PKHD1L1: variants seen among roughly 807,000 people sequenced by gnomAD.
The protein encoded by PKHD1L1 is PKHD1 like 1.
PKHD1L1 carries 434 observed loss-of-function variants against 462.9 expected under a neutral mutation model. The ratio of observed to expected loss-of-function variants is 0.94; its 90% CI spans 0.87 to 1.02. The LOEUF (loss-of-function observed/expected upper bound fraction) is 1.02, where lower values mean the gene tolerates loss of function less well. Among genes scored for constraint, PKHD1L1 ranks in the 50% least tolerant of loss-of-function variants. The pLI, the probability that PKHD1L1 is intolerant of heterozygous loss-of-function variation, is 0.00. For missense variants in PKHD1L1, 5,202 were observed against 5,096.1 expected (o/e 1.02, Z -0.63); for synonymous variants, 1,781 against 1,750.0 (o/e 1.02, Z -0.44).
intron 24 of PKHD1L1, 43 bp from the exon 25 acceptor site, chr8:109,426,959 T>G: frequency 8.9e-7 from 1 of 1,118,878 alleles, no homozygotes; most frequent in South Asian, 1.2e-5. Flanking sequence ...GGCCCGTTTG[T>G]GAATTGTGAC....
intron 47 of PKHD1L1, 45 bp from the exon 48 acceptor site, chr8:109,461,727 G>T (rs1270697743): frequency 1.3e-6 from 2 of 1,557,694 alleles, no homozygotes; most frequent in Non-Finnish European, 8.7e-7. Context: ...AATATAAGAG[G>T]ATTCCGACAA....
Position 109,431,547 on chromosome 8 carries a change from C to A in PKHD1L1, c.3229+1510C>A, listed in dbSNP as rs560347696. On this transcript the variant is annotated intron_variant, in intron 27 of 77. Coordinates refer to ENST00000378402, the MANE Select transcript of PKHD1L1 (RefSeq NM_177531.6). The stretch of plus-strand genomic sequence containing the variant: ...TTTGTATATAACACACACACACACA[C>A]GGTAATTTTGCCAGTTTTGTAAGCT... 1.2e-3 allele frequency among the ~76,000 whole-genome samples: 177 copies of A among 152,026 alleles called. 1 individual carries two copies. Among genetic ancestry groups the A allele is most frequent in the Admixed American group, 1.6e-3 (24 of 15,258 alleles).
intron 56 of PKHD1L1, among the ~76,000 whole-genome samples, chr8:109,482,216 T>C (rs887789693): frequency 6.6e-6 from 1 of 151,860 alleles, no homozygotes; most frequent in Non-Finnish European, 1.5e-5. Context: ...TGTTTTACTG[T>C]ACAATTTCTA....
In PKHD1L1 at chr8:109,491,097, G is replaced by T; in HGVS notation, c.10110G>T (p.Gly3370=). Residue 3370 remains glycine (G), a synonymous_variant, in exon 61 of 78, where the codon GGG becomes GGT. Coordinates refer to ENST00000378402, the MANE Select transcript of PKHD1L1 (RefSeq NM_177531.6). ...ACAACATCATTCACTTTACAGTGGG[G>T]GAAGGTAATATAATAATATTTTGGT... is the stretch of plus-strand genomic sequence containing the variant. ...IDDNIIHFTV[G]EGIRIWGNAN... The T allele has an allele frequency of 6.2e-7, 1 of 1,606,862 alleles. No individual in the cohort carries two copies. Among genetic ancestry groups the T allele is most frequent in the South Asian group, 1.1e-5 (1 of 90,484 alleles).
intron 14 of PKHD1L1, 102 bp from the exon 15 acceptor site, chr8:109,404,452 C>A: frequency 3.0e-6 from 2 of 660,042 alleles, no homozygotes; most frequent in Non-Finnish European, 4.5e-6. Flanking sequence ...AGTCATTTAA[C>A]AGGCAGGCTT....
intron 46 of PKHD1L1, among the ~76,000 whole-genome samples, chr8:109,458,582 C>A (rs530786092): frequency 6.6e-6 from 1 of 152,194 alleles, no homozygotes; most frequent in South Asian, 2.1e-4. Context: ...GAGCTTTATG[C>A]AGAGTGTATT....
intron 50 of PKHD1L1, among the ~76,000 whole-genome samples, chr8:109,469,659 T>A (rs1490971749): frequency 6.6e-6 from 1 of 152,154 alleles, no homozygotes; most frequent in Middle Eastern, 3.2e-3. Context: ...CTAGGTTTTT[T>A]TCCCCTGTGA....
At chr8:109,423,771 C>T (rs1465159796) in intron 23 of PKHD1L1, among the ~76,000 whole-genome samples, 1 of 152,110 alleles carries the variant, frequency 6.6e-6, no homozygotes, top group African/African-American at 2.4e-5. Flanking sequence ...TATGTCTCTC[C>T]AATTATTTGT....
In PKHD1L1 at chr8:109,443,565, A is replaced by T. The variant is rs1378945981; in HGVS notation, c.4565-111A>T. On this transcript the variant is annotated intron_variant, in intron 36 of 77. Transcript: ENST00000378402. ...TTTGTCATTTTGTTTTTCAAAAAAGATTTACCAGAATTTAAACCATCATCA... is the reference window on the plus strand; with the variant it reads ...TTTGTCATTTTGTTTTTCAAAAAAGTTTTACCAGAATTTAAACCATCATCA... 1.5e-5 allele frequency: 13 copies of T among 888,896 alleles called. 1 individual carries two copies. The South Asian group carries it at 2.3e-4, about 16-fold the overall frequency. 55.1% of individuals were successfully genotyped at this position (888,896 alleles called of 1,614,324 possible). A position where few individuals can be genotyped will look rare whatever the true frequency, so the allele number is the denominator to read the frequency against.
chr8:109,427,385 GA>G (rs1814817497), intron 25 of PKHD1L1, among the ~76,000 whole-genome samples: 2 of 152,138 alleles, frequency 1.3e-5, no homozygotes, highest in African/African-American at 4.8e-5. Flanking sequence ...ATCCCACTTA[GA>G]AAAAGTCCAG....
intron 25 of PKHD1L1, among the ~76,000 whole-genome samples, chr8:109,428,014 A>C (rs1814859881): frequency 8.4e-6 from 1 of 118,900 alleles, no homozygotes; most frequent in African/African-American, 3.1e-5. Context: ...CAAGAGCAAA[A>C]CTCCGTCTCA....
intron 30 of PKHD1L1, 82 bp from the exon 31 acceptor site, chr8:109,438,242 C>T (rs1815550067): frequency 1.9e-6 from 2 of 1,033,852 alleles, no homozygotes; most frequent in Non-Finnish European, 1.3e-6. Context: ...GAAGTTTATT[C>T]TGAATAATCT....
intron 2 of PKHD1L1, among the ~76,000 whole-genome samples, chr8:109,380,370 A>G (rs1401695093): frequency 2.6e-5 from 4 of 152,154 alleles, no homozygotes; most frequent in Admixed American, 1.3e-4. Flanking sequence ...TCAGCTTTAC[A>G]TCCTCTCTTT....
intron 7 of PKHD1L1, 114 bp from the exon 8 acceptor site, chr8:109,388,965 A>G (rs1371230668): frequency 3.0e-6 from 2 of 676,644 alleles, no homozygotes; most frequent in South Asian, 2.6e-5. Context: ...GGTTGTAGCA[A>G]CAATTTCTGT....
chr8:109,445,691 A>G, intron 38 of PKHD1L1, 46 bp downstream of exon 38: 1 of 1,469,248 alleles, frequency 6.8e-7, no homozygotes, highest in Non-Finnish European at 9.3e-7. Context: ...AGTATCGATA[A>G]TATTTATTAG....
intron 71 of PKHD1L1, among the ~76,000 whole-genome samples, chr8:109,513,585 A>G (rs1820114099): frequency 6.6e-6 from 1 of 152,110 alleles, no homozygotes; most frequent in Non-Finnish European, 1.5e-5. Context: ...TAAGAATATG[A>G]GACTTTAAAG....
At chr8:109,508,309 T>C in intron 70 of PKHD1L1, 45 bp downstream of exon 70, 1 of 1,527,114 alleles carries the variant, frequency 6.5e-7, no homozygotes, top group Admixed American at 2.0e-5. Context: ...AAAACATTGC[T>C]TGTTATTAAA....
rs1308173494 is a variant in PKHD1L1 at position 109,480,110 on chromosome 8, G to C, written c.9298G>C (p.Val3100Leu). The change falls in exon 55 of 78, where the codon GTT (valine) becomes CTT (leucine). Residue 3100 changes from valine (V) to leucine (L), a missense_variant. Transcript: ENST00000378402. Reference protein sequence around the residue: ...GAAESSYREVVLNATYISLQG... With the variant: ...GAAESSYREVLLNATYISLQG... ...TGCAGAATCTTCTTACAGAGAAGTT[G>C]TTTTGAATGCTACCTACATATCACT... The C allele has an allele frequency of 6.3e-7, 1 of 1,575,102 alleles. No homozygotes were observed. Among genetic ancestry groups the C allele is most frequent in the South Asian group, 1.2e-5 (1 of 85,334 alleles).
intron 63 of PKHD1L1, among the ~76,000 whole-genome samples, chr8:109,495,198 A>AT (rs1387083787): frequency 6.6e-6 from 1 of 152,082 alleles, no homozygotes; most frequent in African/African-American, 2.4e-5. Flanking sequence ...TATTTAAGTG[A>AT]TTCCTTGATA....
Sources: allele counts gnomAD v4.1 joint callset (sites outside exome capture counted in the v4.1 genomes callset), GRCh38; gene constraint gnomAD v4.1.1; transcripts MANE v1.5; gene names NCBI Gene and HGNC (gene_info 2026-07-23, HGNC 2026-07-21).